The following SEPTIN6 variants were observed in gnomAD, a reference collection of about 807,000 sequenced individuals.
The protein encoded by SEPTIN6 is septin 6.
A neutral mutation model predicts 33.6 loss-of-function variants in SEPTIN6; 8 were observed. The ratio of observed to expected loss-of-function variants is 0.24; its 90% CI spans 0.14 to 0.43. SEPTIN6 has a LOEUF of 0.43. Ranked by LOEUF, SEPTIN6 falls within the 20% of genes least tolerant of loss-of-function variation. SEPTIN6 has a pLI of 1.00. For missense variants in SEPTIN6, 250 were observed against 340.8 expected (o/e 0.73, Z 2.10); for synonymous variants, 131 against 140.0 (o/e 0.94, Z 0.45).
In SEPTIN6 at chrX:119,663,575, G is replaced by T; in HGVS notation, c.248C>A (p.Ser83Tyr). ...THTQPGVQLQ[S>Y]NTYDLQESNV... ...GCTCTCTTGGAGGTCATAGGTATTA[G>T]ACTGGAGCTGGACACCCGGCTGTGT... The change falls in exon 3 of 11, where the codon TCT becomes TAT. Residue 83 changes from serine to tyrosine, a missense_variant. Around this residue, in one of 2 missense-constraint regions of SEPTIN6, gnomAD observed 111 missense variants for 113.8 expected, o/e 0.98. Transcript: ENST00000394610. 1 of 1,208,992 alleles carries T rather than the reference G, an allele frequency of 8.3e-7. No homozygotes were observed. The highest frequency in any genetic ancestry group is 1.1e-6 in the Non-Finnish European group (1 of 894,049).
At chrX:119,654,184 C>T (rs938078627) in intron 3 of SEPTIN6, among the ~76,000 whole-genome samples, 2 of 111,619 alleles carry the variant, frequency 1.8e-5, no homozygotes, top group African/African-American at 3.3e-5. Context: ...TCTCCACACG[C>T]GGCTCCTCTA....
chrX:119,624,369 TTC>T (rs1020077266), intron 10 of SEPTIN6, among the ~76,000 whole-genome samples: 1 of 110,139 alleles, frequency 9.1e-6, no homozygotes, highest in African/African-American at 3.3e-5. Context: ...GAGACAGGAT[TTC>T]TCCATGTTGG....
intron 2 of SEPTIN6, among the ~76,000 whole-genome samples, chrX:119,669,749 G>C (rs2054709631): frequency 8.9e-6 from 1 of 111,964 alleles, no homozygotes; most frequent in South Asian, 3.7e-4. Flanking sequence ...GCCTGTTTTA[G>C]ACAAATAAGC....
chrX:119,640,111 C>T (rs971497614), intron 6 of SEPTIN6, among the ~76,000 whole-genome samples: 2 of 106,678 alleles, frequency 1.9e-5, no homozygotes, highest in Non-Finnish European at 3.9e-5. Flanking sequence ...CGCGCCCAGC[C>T]CCAACACGTA....
intron 2 of SEPTIN6, among the ~76,000 whole-genome samples, chrX:119,664,137 C>T (rs2054594949): frequency 9.0e-6 from 1 of 110,752 alleles, no homozygotes; most frequent in African/African-American, 3.3e-5. Flanking sequence ...GCACCCGCCA[C>T]CGTGCCCAGC....
At chrX:119,687,054 G>A (rs1220185136) in intron 1 of SEPTIN6, among the ~76,000 whole-genome samples, 1 of 110,642 alleles carries the variant, frequency 9.0e-6, no homozygotes, top group Admixed American at 9.6e-5. Flanking sequence ...ATAGCACTTC[G>A]GACTAAGTAA....
chrX:119,619,137 C>A lies in SEPTIN6; in HGVS notation c.*956G>T. 1 of 857,983 alleles carries A rather than the reference C, an allele frequency of 1.2e-6. No individual in the cohort carries two copies. The highest frequency in any genetic ancestry group is 1.4e-6 in the Non-Finnish European group (1 of 705,339). The allele number at this position is 857,983 out of a possible 1,213,427, so 70.7% of individuals were successfully genotyped here. ...AAATGAACTAGAAGACTCATCAGAG[C>A]AAACCCCCAAACACTTGATTCTTTT... On this transcript the variant is annotated 3_prime_UTR_variant, in exon 11 of 11. Transcript: ENST00000394610.
intron 1 of SEPTIN6, among the ~76,000 whole-genome samples, chrX:119,689,633 C>T (rs947686049): frequency 9.0e-6 from 1 of 111,445 alleles, no homozygotes; most frequent in Non-Finnish European, 1.9e-5. Flanking sequence ...CCCGCCACCA[C>T]GCCTGGCTAA....
chrX:119,661,268 A>C (rs2054538094), intron 3 of SEPTIN6, among the ~76,000 whole-genome samples: 1 of 90,562 alleles, frequency 1.1e-5, no homozygotes, highest in East Asian at 3.6e-4. Context: ...TACTAAAAAT[A>C]CAAAAAAAAA....
intron 2 of SEPTIN6, among the ~76,000 whole-genome samples, chrX:119,665,995 T>C (rs1248479611): frequency 9.4e-6 from 1 of 106,904 alleles, no homozygotes; most frequent in Non-Finnish European, 1.9e-5. Flanking sequence ...GGCAGGAGAA[T>C]GGCGTGAACC....
intron 3 of SEPTIN6, 33 bp downstream of exon 3, chrX:119,663,449 C>CG: frequency 4.8e-5 from 25 of 518,404 alleles, no homozygotes; most frequent in East Asian, 1.3e-4. Flanking sequence ...CTACCAACCT[C>CG]CCCACCCTAC....
At position 119,618,646 on chromosome X, in the gene SEPTIN6, G is replaced by A. The variant is rs2053702237; in HGVS notation, c.*1447C>T. 3 of 1,143,342 alleles carry A rather than the reference G, an allele frequency of 2.6e-6. No individual in the cohort carries two copies. The highest frequency in any genetic ancestry group is 3.5e-6 in the Non-Finnish European group (3 of 861,362). The allele number at this position is 1,143,342 out of a possible 1,213,427, so 94.2% of individuals were successfully genotyped here. On this transcript the variant is annotated 3_prime_UTR_variant, in exon 11 of 11. Transcript: ENST00000394610. ...AGAAGAAGTGAGCTTGAAGTACATG[G>A]CAGGATAGGGGTGGGGGGCCTCGCT...
intron 1 of SEPTIN6, among the ~76,000 whole-genome samples, chrX:119,690,348 T>TACATACACAC: frequency 1.3e-5 from 1 of 75,015 alleles, no homozygotes; most frequent in Non-Finnish European, 2.4e-5. Context: ...TACATACACA[T>TACATACACAC]ACACACACAC....
rs1177251203 is a variant in SEPTIN6 at position 119,658,815 on chromosome X, C to T, written c.341+4667G>A. On this transcript the variant is annotated intron_variant, in intron 3 of 10. Transcript: ENST00000394610. Reference sequence around the variant, plus strand: ...TATGTTGATTGTACATAAGTATTTCCCCTTCTGTAAATTATTTGTTTATTT... The same window carrying T: ...TATGTTGATTGTACATAAGTATTTCTCCTTCTGTAAATTATTTGTTTATTT... Among the ~76,000 whole-genome samples the T allele has an allele frequency of 5.4e-5, 6 of 111,916 alleles. No homozygotes were observed. The East Asian group carries it at 1.7e-3, about 31-fold the overall frequency.
intron 1 of SEPTIN6, chrX:119,686,497 A>G (rs1569445195): frequency 1.6e-6 from 1 of 642,605 alleles, no homozygotes; most frequent in Non-Finnish European, 2.2e-6. Context: ...CGCGCTGCAT[A>G]ATTCAGCAGA....
chrX:119,635,037 GA>G, intron 7 of SEPTIN6: 1 of 236,444 alleles, frequency 4.2e-6, no homozygotes, highest in South Asian at 4.5e-5. Context: ...AGAAAGAAAA[GA>G]AAAGAAGAAG....
intron 10 of SEPTIN6, among the ~76,000 whole-genome samples, chrX:119,622,784 T>C (rs140671850): frequency 8.9e-6 from 1 of 111,927 alleles, no homozygotes; most frequent in African/African-American, 3.2e-5. Flanking sequence ...ACAAAGAACA[T>C]AACACATGAA....
intron 5 of SEPTIN6, among the ~76,000 whole-genome samples, chrX:119,641,485 T>C (rs1210542814): frequency 8.9e-6 from 1 of 112,205 alleles, no homozygotes; most frequent in Non-Finnish European, 1.9e-5. Flanking sequence ...ACTCAAGTCA[T>C]ATAAGATAGT....
intron 1 of SEPTIN6, among the ~76,000 whole-genome samples, chrX:119,689,697 C>T (rs1393421730): frequency 6.4e-5 from 7 of 109,481 alleles, no homozygotes; most frequent in Middle Eastern, 4.6e-3. Flanking sequence ...AGGCTGGTCT[C>T]GATCTCCTGA....
Sources: gnomAD v4.1 joint callset for allele counts (sites outside exome capture counted in the v4.1 genomes callset) on GRCh38, gnomAD v4.1.1 for gene constraint, gnomAD v4.1.1 regional missense constraint, MANE v1.5 for transcripts, NCBI Gene and HGNC (gene_info 2026-07-23, HGNC 2026-07-21) for gene names.